Variants in NDUFAF6 observed in about 807,000 individuals in gnomAD.
The protein encoded by NDUFAF6 is NADH:ubiquinone oxidoreductase complex assembly factor 6.
Under a neutral mutation model 40.8 loss-of-function variants are expected in NDUFAF6, and 45 were observed. The ratio of observed to expected loss-of-function variants is 1.10; its 90% CI spans 0.87 to 1.42. The LOEUF is 1.42. Ranked by LOEUF, NDUFAF6 falls within the 40% of genes most tolerant of loss-of-function variation. The probability of loss-of-function intolerance (pLI) is 0.00; values close to 1 mark genes in which losing one functional copy is unlikely to be tolerated. For synonymous variants in NDUFAF6, 185 were observed against 155.9 expected (o/e 1.19, Z -1.39); for missense variants, 435 against 418.5 (o/e 1.04, Z -0.34).
At chr8:94,946,600 G>C (rs140119056) in intron 2 of NDUFAF6, among the ~76,000 whole-genome samples, 3,080 of 149,522 alleles carry the variant, frequency 0.021, 102 homozygotes, top group African/African-American at 0.072. Context: ...GGGAGGCTGA[G>C]GTAGGAGGAT....
chr8:95,064,614 A>G (rs1288674618), intron 9 of NDUFAF6, among the ~76,000 whole-genome samples: 1 of 151,948 alleles, frequency 6.6e-6, no homozygotes, highest in Non-Finnish European at 1.5e-5. Flanking sequence ...AGCCCTTGTT[A>G]CAGTCTTTTG....
chr8:95,024,937 C>T (rs1212480904), upstream of NDUFAF6: 1 of 1,225,356 alleles, frequency 8.2e-7, no homozygotes, highest in Non-Finnish European at 1.0e-6. Context: ...CATAGGGGAA[C>T]CTGCAGGGGC....
chr8:94,999,982 G>T (rs1406061821), intron 2 of NDUFAF6, among the ~76,000 whole-genome samples: 3 of 152,058 alleles, frequency 2.0e-5, no homozygotes, highest in African/African-American at 7.2e-5. Flanking sequence ...GGCTGATGGG[G>T]GAGGATCCCT....
chr8:95,033,270 C>G (rs1029249343), intron 2 of NDUFAF6, among the ~76,000 whole-genome samples: 5 of 152,032 alleles, frequency 3.3e-5, no homozygotes, highest in African/African-American at 1.2e-4. Context: ...GTCTCAAATT[C>G]CTGGCCTCAA....
chr8:94,960,700 T>C (rs1255530487), intron 1 of NDUFAF6, among the ~76,000 whole-genome samples: 2 of 152,196 alleles, frequency 1.3e-5, no homozygotes, highest in Non-Finnish European at 2.9e-5. Flanking sequence ...ACCATGTATG[T>C]TTATGTCCTC....
In NDUFAF6 at chr8:95,057,326, T is replaced by G. The variant is rs558433564; in HGVS notation, c.874-483T>G. Among the ~76,000 whole-genome samples the G allele has an allele frequency of 2.5e-3, 382 of 152,318 alleles. 4 individuals are homozygous for G. The highest frequency in any genetic ancestry group is 8.8e-3 in the African/African-American group (364 of 41,570). On this transcript the variant is annotated intron_variant, in intron 8 of 8. Coordinates refer to ENST00000396124, the MANE Select transcript of NDUFAF6 (RefSeq NM_152416.4). ...TGGTGGGGAAAGGATGGGGTGATAA[T>G]TTTGCCTGGTTGAAAATCATGTGCT...
upstream of NDUFAF6, among the ~76,000 whole-genome samples, chr8:95,020,756 G>C (rs1227651756): frequency 1.3e-5 from 2 of 152,218 alleles, no homozygotes; most frequent in Non-Finnish European, 2.9e-5. Context: ...ATCTACCTTT[G>C]GCAGTCTGGG....
chr8:95,113,173 G>T (rs1410975383), intron 4 of NDUFAF6, among the ~76,000 whole-genome samples: 1 of 152,238 alleles, frequency 6.6e-6, no homozygotes, highest in African/African-American at 2.4e-5. Context: ...CTGGTGGCCT[G>T]ACTTTAGTCT....
chr8:95,030,947 G>T (rs574455738), intron 1 of NDUFAF6, among the ~76,000 whole-genome samples: 4 of 152,296 alleles, frequency 2.6e-5, no homozygotes, highest in African/African-American at 9.6e-5. Flanking sequence ...AAAGAGAGAA[G>T]GGAGGAGGTG....
Position 95,064,568 on chromosome 8 carries a change from C to T in NDUFAF6, c.*512-11065C>T, listed in dbSNP as rs112923062. On this transcript the variant is annotated intron_variant and NMD_transcript_variant, in intron 9 of 9. Transcript: ENST00000520757. ...GTGTGTGTGTGTGTGTGTGTGCGCG[C>T]GTGCGTGTGCATGATTTCTGGCTCA... Among the ~76,000 whole-genome samples, 1,402 of 151,612 alleles carry T rather than the reference C, an allele frequency of 9.2e-3. 19 individuals carry two copies. The highest frequency in any genetic ancestry group is 0.032 in the African/African-American group (1,319 of 41,298).
At chr8:95,084,351 A>G (rs1269724378) in intron 2 of NDUFAF6, among the ~76,000 whole-genome samples, 1 of 152,178 alleles carries the variant, frequency 6.6e-6, no homozygotes, top group Non-Finnish European at 1.5e-5. Flanking sequence ...TTAAAAAACT[A>G]CTACCACATC....
downstream of NDUFAF6, among the ~76,000 whole-genome samples, chr8:95,061,652 G>A (rs1022252898): frequency 2.6e-5 from 4 of 152,160 alleles, no homozygotes; most frequent in African/African-American, 9.7e-5. Flanking sequence ...TGTAGAATGC[G>A]AAGGTGATTA....
In NDUFAF6 at chr8:94,980,970, A is replaced by G. The variant is rs189539721; in HGVS notation, c.-87A>G. 1.2e-4 allele frequency: 56 copies of G among 456,726 alleles called. 1 individual carries two copies. In the Middle Eastern group the frequency reaches 2.3e-3, roughly 19 times the overall value. The allele number at this position is 456,726 out of a possible 1,614,324, so 28.3% of individuals were successfully genotyped here. On this transcript the variant is annotated 5_prime_UTR_variant, in exon 2 of 10. Coordinates refer to the NDUFAF6 transcript ENST00000396111. ...ATTTCACATTCCTCATGGTTGGTTC[A>G]AAGGTGAGCAAGTAATTGAAATCAG...
At chr8:95,088,044 C>T (rs6471514) in intron 2 of NDUFAF6, 88,488 of 152,236 alleles carry the variant, frequency 0.58, 25,953 homozygotes, top group East Asian at 0.77. Flanking sequence ...GCTGACCCTG[C>T]GGATGCCATG....
intron 4 of NDUFAF6, among the ~76,000 whole-genome samples, chr8:95,114,724 TTTTC>T (rs1398315328): frequency 6.6e-6 from 1 of 152,214 alleles, no homozygotes; most frequent in Non-Finnish European, 1.5e-5. Flanking sequence ...TTTCCCATAT[TTTTC>T]TTTCTGTGAG....
chr8:95,035,900 G>T (rs749979922), intron 3 of NDUFAF6, among the ~76,000 whole-genome samples: 2 of 152,164 alleles, frequency 1.3e-5, no homozygotes, highest in African/African-American at 4.8e-5. Context: ...AAAATGTTCT[G>T]TTCTCTCTGC....
chr8:94,898,579 C>T (rs1342550198), intron 1 of NDUFAF6, among the ~76,000 whole-genome samples: 2 of 152,162 alleles, frequency 1.3e-5, no homozygotes, highest in African/African-American at 2.4e-5. Context: ...ATCTTGACCG[C>T]TTGGCTGAGG....
At chr8:95,085,824 C>T (rs750885427) in intron 2 of NDUFAF6, among the ~76,000 whole-genome samples, 3 of 152,064 alleles carry the variant, frequency 2.0e-5, no homozygotes, top group Non-Finnish European at 4.4e-5. Context: ...TTACATAATA[C>T]CCACATATCT....
At chr8:95,065,881 A>T (rs1345437771) in intron 9 of NDUFAF6, among the ~76,000 whole-genome samples, 1 of 125,372 alleles carries the variant, frequency 8.0e-6, no homozygotes, top group African/African-American at 3.0e-5. Flanking sequence ...TTATCCTTTG[A>T]TTTAGTTCTT....
Sources: gnomAD v4.1 joint callset for allele counts (sites outside exome capture counted in the v4.1 genomes callset) on GRCh38, gnomAD v4.1.1 for gene constraint, MANE v1.5 for transcripts, NCBI Gene and HGNC (gene_info 2026-07-23, HGNC 2026-07-21) for gene names.